Variants in LRRC28 observed in about 807,000 individuals in gnomAD.
The protein encoded by LRRC28 is leucine rich repeat containing 28.
Under a neutral mutation model 45.7 loss-of-function variants are expected in LRRC28, and 39 were observed. That is an observed-to-expected ratio of 0.85 (90% CI 0.66 to 1.12). The LOEUF (loss-of-function observed/expected upper bound fraction) is 1.12. Among genes scored for constraint, LRRC28 ranks in the 50% most tolerant of loss-of-function variants. The probability of loss-of-function intolerance (pLI) is 0.00; values close to 1 mark genes in which losing one functional copy is unlikely to be tolerated. For missense variants in LRRC28, 435 were observed against 438.5 expected (o/e 0.99, Z 0.07); for synonymous variants, 206 against 178.8 (o/e 1.15, Z -1.22).
chr15:99,265,315 A>T (rs938510524), intron 2 of LRRC28, among the ~76,000 whole-genome samples: 1 of 152,116 alleles, frequency 6.6e-6, no homozygotes, highest in African/African-American at 2.4e-5. Flanking sequence ...CAAGAGAGTG[A>T]TATAACATGA....
At chr15:99,367,407 TA>T (rs985240492) in intron 9 of LRRC28, among the ~76,000 whole-genome samples, 6 of 152,164 alleles carry the variant, frequency 3.9e-5, no homozygotes, top group African/African-American at 1.4e-4. Flanking sequence ...TGCTGCATCA[TA>T]ACATGTCAGA....
intron 9 of LRRC28, among the ~76,000 whole-genome samples, chr15:99,381,264 C>A (rs1957814174): frequency 6.6e-6 from 1 of 152,180 alleles, no homozygotes; most frequent in African/African-American, 2.4e-5. Context: ...CTTCTCTTCT[C>A]ACTTCATTTC....
intron 9 of LRRC28, among the ~76,000 whole-genome samples, chr15:99,363,601 A>T (rs1322843363): frequency 6.6e-6 from 1 of 152,220 alleles, no homozygotes; most frequent in Non-Finnish European, 1.5e-5. Context: ...ACATAACGGG[A>T]TGAGCCCAGC....
chr15:99,275,398 G>A (rs2081590985), intron 2 of LRRC28, among the ~76,000 whole-genome samples: 1 of 152,214 alleles, frequency 6.6e-6, no homozygotes. Flanking sequence ...CCTGTGGCCA[G>A]GTCTGACACT....
rs2081133349 is a variant in LRRC28, at chr15:99,259,624, C to T, written c.168+3499C>T. On this transcript the variant is annotated intron_variant, in intron 2 of 9. Transcript: ENST00000301981. Reference sequence around the variant, plus strand: ...TGAAAGCACAAGCGTACCAAACGGGCAAGGGCATCTCTACAAATTACCATG... The same window carrying T: ...TGAAAGCACAAGCGTACCAAACGGGTAAGGGCATCTCTACAAATTACCATG... 4 of 1,493,250 alleles carry T rather than the reference C, an allele frequency of 2.7e-6. No individual in the cohort carries two copies. In the South Asian group the frequency reaches 3.4e-5, roughly 13 times the overall value. 92.5% of individuals were successfully genotyped at this position (1,493,250 alleles called of 1,614,324 possible). A position where few individuals can be genotyped will look rare whatever the true frequency, so the allele number is the denominator to read the frequency against.
At chr15:99,351,694 C>G (rs953172) in intron 6 of LRRC28, among the ~76,000 whole-genome samples, 46,732 of 152,006 alleles carry the variant, frequency 0.31, 8,113 homozygotes, top group African/African-American at 0.47. Flanking sequence ...GGAGGTGAGA[C>G]ACAGGAAATC....
intron 9 of LRRC28, 36 bp from the exon 10 acceptor site, chr15:99,385,994 C>T (rs760904725): frequency 1.9e-6 from 3 of 1,584,128 alleles, no homozygotes; most frequent in Middle Eastern, 3.3e-4. Context: ...TAATCTTGAA[C>T]TCACAGCGTT....
intron 5 of LRRC28, among the ~76,000 whole-genome samples, chr15:99,308,333 A>AG (rs1425900497): frequency 1.3e-5 from 2 of 152,182 alleles, no homozygotes; most frequent in Non-Finnish European, 2.9e-5. Flanking sequence ...TTAAAAAAAA[A>AG]GTCTGTTTCA....
chr15:99,323,302 T>C (rs1177663878), intron 5 of LRRC28, among the ~76,000 whole-genome samples: 2 of 152,190 alleles, frequency 1.3e-5, no homozygotes, highest in East Asian at 1.9e-4. Context: ...AATTTGGTGT[T>C]AAAGGATTTT....
rs565275670 is a variant in LRRC28 at position 99,354,543 on chromosome 15, C to T, written c.695+2072C>T. On this transcript the variant is annotated intron_variant, in intron 7 of 9. Transcript: ENST00000301981. ...TGTTGAAAGCCTAGAAAGTGCCCTT[C>T]TTGATTCAGAACACGAATTTTGGTC... Among the ~76,000 whole-genome samples, 9 of 152,260 alleles carry T rather than the reference C, an allele frequency of 5.9e-5. No individual in the cohort carries two copies. In the South Asian group the frequency reaches 1.7e-3, roughly 28 times the overall value.
intron 7 of LRRC28, among the ~76,000 whole-genome samples, chr15:99,355,232 G>T (rs1384061942): frequency 6.6e-6 from 1 of 152,116 alleles, no homozygotes; most frequent in East Asian, 1.9e-4. Flanking sequence ...GAAATTGTGG[G>T]AAAAACCAAG....
intron 5 of LRRC28, among the ~76,000 whole-genome samples, chr15:99,327,143 C>T (rs1230874183): frequency 1.3e-5 from 2 of 151,936 alleles, no homozygotes; most frequent in Non-Finnish European, 2.9e-5. Flanking sequence ...GGCACGATCT[C>T]GGCTCATGGC....
intron 2 of LRRC28, chr15:99,258,850 T>C (rs1249386363): frequency 1.0e-5 from 7 of 703,248 alleles, no homozygotes; most frequent in Non-Finnish European, 1.9e-5. Context: ...TTAAGCTCTA[T>C]GTGCGCTGTG....
intron 1 of LRRC28, among the ~76,000 whole-genome samples, chr15:99,252,783 G>T (rs1278361171): frequency 6.6e-6 from 1 of 152,142 alleles, no homozygotes; most frequent in African/African-American, 2.4e-5. Flanking sequence ...TAAGTCCCTG[G>T]ATACATGTGC....
chr15:99,363,196 CTA>C lies in LRRC28; in HGVS notation c.964_965del (p.Met322ValfsTer27), dbSNP rs750283664. ...GGGCACTGTCATCGGTGTAGTGAGC[CTA>C]TGTTTACCATCGTCTACCCCAAGCT... On this transcript the variant is annotated frameshift_variant, in exon 9 of 10. Coordinates refer to ENST00000301981, the MANE Select transcript of LRRC28 (RefSeq NM_144598.5). LOFTEE classifies it high-confidence loss of function. The C allele has an allele frequency of 1.9e-6, 3 of 1,614,058 alleles. No individual in the cohort carries two copies. The Admixed American group carries it at 5.0e-5, about 27-fold the overall frequency.
chr15:99,259,833 TAGAATA>T (rs996546672), intron 2 of LRRC28: 4 of 856,312 alleles, frequency 4.7e-6, no homozygotes, highest in Non-Finnish European at 8.2e-6. Flanking sequence ...CATATGGAGA[TAGAATA>T]GAAAGAATGC....
In LRRC28 at chr15:99,386,170, C is replaced by G; in HGVS notation, c.*68C>G. The G allele has an allele frequency of 1.6e-6, 2 of 1,242,056 alleles. No homozygotes were observed. Among genetic ancestry groups the G allele is most frequent in the Non-Finnish European group, 1.2e-6 (1 of 840,756 alleles). The allele number at this position is 1,242,056 out of a possible 1,614,324, so 76.9% of individuals were successfully genotyped here. ...GGGAATCCAGCCAGTCCAGCACACT[C>G]TTCCATCCTGTCCTGTCCAATGCGG... On this transcript the variant is annotated 3_prime_UTR_variant, in exon 10 of 10. Transcript: ENST00000301981.
chr15:99,360,101 G>A (rs560119449), intron 7 of LRRC28, among the ~76,000 whole-genome samples: 2 of 151,888 alleles, frequency 1.3e-5, no homozygotes, highest in Admixed American at 6.6e-5. Context: ...AGTCTTCCCC[G>A]TGAATTAAAA....
rs1179085322 is a variant in LRRC28 at position 99,387,188 on chromosome 15, G to GCA, written c.*1086_*1087insCA. The GCA allele has an allele frequency of 9.0e-5, 13 of 144,150 alleles. No homozygotes were observed. Among genetic ancestry groups the GCA allele is most frequent in the Non-Finnish European group, 1.2e-4 (8 of 65,642 alleles). The allele number at this position is 144,150 out of a possible 1,614,324, so 8.9% of individuals were successfully genotyped here. ...CCATTCTCCTGCCTCAGCCTCCCAA[G>GCA]TAGCTGGGACCACAGGCGCCCGCCA... is the stretch of plus-strand genomic sequence containing the variant. On this transcript the variant is annotated 3_prime_UTR_variant, in exon 10 of 10. Coordinates refer to ENST00000301981, the MANE Select transcript of LRRC28 (RefSeq NM_144598.5).
Sources: allele counts gnomAD v4.1 joint callset (sites outside exome capture counted in the v4.1 genomes callset), GRCh38; gene constraint gnomAD v4.1.1; transcripts MANE v1.5; gene names NCBI Gene and HGNC (gene_info 2026-07-23, HGNC 2026-07-21).